THRAP3: variants seen among roughly 807,000 people sequenced by gnomAD.
THRAP3 encodes the protein thyroid hormone receptor-associated protein 3.
A neutral mutation model predicts 101.0 loss-of-function variants in THRAP3; 16 were observed. The observed-to-expected ratio is 0.16, with a 90% CI of 0.11 to 0.24. The LOEUF is 0.24. Among genes scored for constraint, THRAP3 ranks in the 10% least tolerant of loss-of-function variants. The pLI is 1.00. For synonymous variants in THRAP3, 407 were observed against 422.6 expected (o/e 0.96, Z 0.45); for missense variants, 989 against 1,202.7 (o/e 0.82, Z 2.63).
At chr1:36,230,001 C>T (rs1426918978) in intron 1 of THRAP3, among the ~76,000 whole-genome samples, 2 of 131,638 alleles carry the variant, frequency 1.5e-5, no homozygotes, top group Admixed American at 8.9e-5. Context: ...ATTGCCTAGG[C>T]TGGAGTGCAG....
chr1:36,258,393 TAAAG>T (rs1031788552), intron 1 of THRAP3, among the ~76,000 whole-genome samples: 5 of 152,170 alleles, frequency 3.3e-5, no homozygotes, highest in African/African-American at 7.2e-5. Context: ...CTTACATTAA[TAAAG>T]AAACACATAC....
At position 36,305,188 on chromosome 1, in the gene THRAP3, C is replaced by G. The variant is rs1335152669; in HGVS notation, c.*1171C>G. The stretch of plus-strand genomic sequence containing the variant: ...TGCGGACTGCACCCACCTCTCCCCC[C>G]CAGCCTTTGCCTCTTGCGTTGTTGT... On this transcript the variant is annotated 3_prime_UTR_variant, in exon 12 of 12. Transcript: ENST00000354618. 3 of 221,968 alleles carry G rather than the reference C, an allele frequency of 1.4e-5. No individual in the cohort carries two copies. Among genetic ancestry groups the G allele is most frequent in the East Asian group, 1.3e-4 (2 of 15,510 alleles). 13.7% of individuals were successfully genotyped at this position (221,968 alleles called of 1,614,324 possible).
chr1:36,229,099 A>C (rs1011439733), intron 1 of THRAP3, among the ~76,000 whole-genome samples: 2 of 151,662 alleles, frequency 1.3e-5, no homozygotes, highest in Non-Finnish European at 2.9e-5. Context: ...AAGGGAACTA[A>C]TTTTTTTTTA....
At chr1:36,248,559 G>A (rs1403996321) in intron 1 of THRAP3, among the ~76,000 whole-genome samples, 1 of 150,694 alleles carries the variant, frequency 6.6e-6, no homozygotes, top group Non-Finnish European at 1.5e-5. Context: ...GCGATTCTCA[G>A]CCTCCCGAGT....
intron 1 of THRAP3, chr1:36,242,045 C>A: frequency 5.7e-6 from 1 of 175,724 alleles, no homozygotes. Flanking sequence ...CATCCACAGT[C>A]CCGCTGGAAT....
chr1:36,270,265 C>T (rs935622054), intron 2 of THRAP3, among the ~76,000 whole-genome samples: 3 of 152,078 alleles, frequency 2.0e-5, no homozygotes, highest in Admixed American at 6.6e-5. Flanking sequence ...TGGCACATGC[C>T]GGTAGTCCCA....
intron 1 of THRAP3, among the ~76,000 whole-genome samples, chr1:36,231,918 A>T (rs959291686): frequency 2.6e-4 from 40 of 152,284 alleles, no homozygotes; most frequent in African/African-American, 8.9e-4. Flanking sequence ...TGCCCAATAG[A>T]GAAAAAGATT....
intron 8 of THRAP3, among the ~76,000 whole-genome samples, chr1:36,294,471 G>C (rs947955478): frequency 6.6e-6 from 1 of 152,070 alleles, no homozygotes; most frequent in Non-Finnish European, 1.5e-5. Flanking sequence ...GCAATGATGT[G>C]CACGTAAACA....
At chr1:36,261,867 C>T (rs542145471) in intron 2 of THRAP3, among the ~76,000 whole-genome samples, 1 of 152,250 alleles carries the variant, frequency 6.6e-6, no homozygotes, top group East Asian at 1.9e-4. Context: ...ATCTCCGCTG[C>T]TCCCCCAAAC....
intron 2 of THRAP3, among the ~76,000 whole-genome samples, chr1:36,272,749 G>A (rs1003280276): frequency 1.3e-5 from 2 of 152,262 alleles, no homozygotes; most frequent in African/African-American, 4.8e-5. Context: ...TTGAAAGCAT[G>A]GCTCTCCTGA....
chr1:36,285,544 C>G (rs1001369366), intron 3 of THRAP3, among the ~76,000 whole-genome samples: 4 of 151,510 alleles, frequency 2.6e-5, no homozygotes, highest in African/African-American at 9.8e-5. Flanking sequence ...TGGAGAAGAA[C>G]ACAACACTAG....
intron 1 of THRAP3, among the ~76,000 whole-genome samples, chr1:36,239,068 G>C (rs1332237318): frequency 5.9e-5 from 9 of 151,754 alleles, no homozygotes; most frequent in Admixed American, 4.0e-4. Context: ...CAAGTAGCTG[G>C]GAGTACAGGT....
intron 1 of THRAP3, among the ~76,000 whole-genome samples, chr1:36,258,206 A>G (rs1392212918): frequency 6.6e-6 from 1 of 152,226 alleles, no homozygotes; most frequent in Non-Finnish European, 1.5e-5. Flanking sequence ...TGTAGCAGAC[A>G]TGGGATTTCC....
rs1557811406 is a variant in THRAP3 at position 36,241,414 on chromosome 1, TATATATATATATATAC to T, written c.-135+16911_-135+16926del. Reference sequence around the variant, plus strand: ...ATATATATATATATATATATATATATATATATATATATATACACATATATAAATAAATATATATTCT... The same window carrying T: ...ATATATATATATATATATATATATATACATATATAAATAAATATATATTCT... On this transcript the variant is annotated intron_variant, in intron 1 of 11. Coordinates refer to ENST00000354618, the MANE Select transcript of THRAP3 (RefSeq NM_005119.4). Among the ~76,000 whole-genome samples, 96 of 52,268 alleles carry T rather than the reference TATATATATATATATAC, an allele frequency of 1.8e-3. 1 individual carries two copies. In the East Asian group the frequency reaches 0.036, roughly 20 times the overall value. The allele number at this position is 52,268 out of a possible 152,430, so 34.3% of individuals were successfully genotyped here.
chr1:36,229,227 A>G (rs1225607016), intron 1 of THRAP3, among the ~76,000 whole-genome samples: 1 of 151,794 alleles, frequency 6.6e-6, no homozygotes, highest in Non-Finnish European at 1.5e-5. Flanking sequence ...CTTCCCAGGT[A>G]GCTTGGACTA....
chr1:36,293,274 C>T (rs1414042254), intron 7 of THRAP3, among the ~76,000 whole-genome samples: 1 of 152,062 alleles, frequency 6.6e-6, no homozygotes, highest in Non-Finnish European at 1.5e-5. Context: ...GGTGACCTGC[C>T]CGCCTCAGCC....
intron 1 of THRAP3, among the ~76,000 whole-genome samples, chr1:36,258,022 G>GT (rs1192440229): frequency 4.6e-5 from 7 of 152,068 alleles, no homozygotes; most frequent in Non-Finnish European, 4.4e-5. Context: ...TGTATTTTTA[G>GT]TAGAGACATG....
intron 2 of THRAP3, among the ~76,000 whole-genome samples, chr1:36,264,121 G>A (rs902277512): frequency 3.9e-5 from 6 of 152,128 alleles, no homozygotes; most frequent in South Asian, 2.1e-4. Context: ...GTGCAGTGGC[G>A]CAGTCTCAGC....
intron 2 of THRAP3, among the ~76,000 whole-genome samples, chr1:36,276,517 C>CT (rs1234203421): frequency 7.2e-5 from 6 of 82,888 alleles, no homozygotes; most frequent in Non-Finnish European, 1.3e-4. Flanking sequence ...GAGCCAGACT[C>CT]TGTCTCAAAA....
Sources: gnomAD v4.1 joint callset for allele counts (sites outside exome capture counted in the v4.1 genomes callset) on GRCh38, gnomAD v4.1.1 for gene constraint, MANE v1.5 for transcripts, NCBI Gene and HGNC (gene_info 2026-07-23, HGNC 2026-07-21) for gene names.